HFM1: variants seen among roughly 807,000 people sequenced by gnomAD.
HFM1 encodes the protein helicase for meiosis 1, also known as probable ATP-dependent DNA helicase HFM1.
A neutral mutation model predicts 192.1 loss-of-function variants in HFM1; 169 were observed. That is an observed-to-expected ratio of 0.88 (90% CI 0.78 to 1.00). HFM1 has a LOEUF of 1.00. Ranked by LOEUF, HFM1 falls within the 50% of genes least tolerant of loss-of-function variation. HFM1 has a pLI of 0.00. For synonymous variants in HFM1, 525 were observed against 537.8 expected, an observed-to-expected ratio of 0.98 and a Z score of 0.33; for missense variants, 1,661 against 1,668.0, an observed-to-expected ratio of 1.00 and a Z score of 0.07.
At chr1:91,407,978 A>T (rs1664860787), upstream of HFM1, among the ~76,000 whole-genome samples, 1 of 152,182 alleles carries the variant, frequency 6.6e-6, no homozygotes. Context: ...CCAAAATTTT[A>T]AAAACTAACC....
At chr1:91,320,424 A>C (rs2101271580) in intron 23 of HFM1, among the ~76,000 whole-genome samples, 1 of 152,330 alleles carries the variant, frequency 6.6e-6, no homozygotes, top group East Asian at 1.9e-4. Context: ...ACAGTATACT[A>C]TCAAAGAAGG....
chr1:91,396,075 C>T (rs1663625703), intron 3 of HFM1, among the ~76,000 whole-genome samples: 3 of 151,940 alleles, frequency 2.0e-5, no homozygotes, highest in African/African-American at 7.3e-5. Context: ...GGGTGATCTG[C>T]CCACCTCGGC....
intron 4 of HFM1, among the ~76,000 whole-genome samples, chr1:91,392,197 C>T (rs1663083030): frequency 6.6e-6 from 1 of 151,896 alleles, no homozygotes; most frequent in African/African-American, 2.4e-5. Context: ...GGCAATTCCT[C>T]AAGGATCTAG....
intron 29 of HFM1, 128 bp downstream of exon 29, chr1:91,313,829 T>C: frequency 4.0e-6 from 2 of 497,258 alleles, no homozygotes; most frequent in Non-Finnish European, 7.1e-6. Context: ...AGTTTATTCA[T>C]ATTATCTAAA....
intron 32 of HFM1, 71 bp downstream of exon 32, chr1:91,276,557 G>T: frequency 1.5e-6 from 1 of 681,234 alleles, no homozygotes; most frequent in South Asian, 2.3e-5. Context: ...ATACCTAATT[G>T]ACAGACAGAA....
Position 91,324,705 on chromosome 1 carries a change from T to G in HFM1, c.2397A>C (p.Thr799=), listed in dbSNP as rs139562594. Residue 799 remains threonine (T), a synonymous_variant, in exon 21 of 39, where the codon ACA becomes ACC. Transcript: ENST00000370425. ...ITFETVKKFY[T]ISGKETLSDL... ...CTGATAAGGTTTCTTTTCCACTGAT[T>G]GTATAAAATTTCTTCACTGTCTCAA... is the stretch of plus-strand genomic sequence containing the variant. 64 of 1,545,508 alleles carry G rather than the reference T, an allele frequency of 4.1e-5. No homozygotes were observed. The highest frequency in any genetic ancestry group is 5.5e-5 in the Non-Finnish European group (62 of 1,118,742).
chr1:91,285,657 T>C (rs1302523105), intron 30 of HFM1, among the ~76,000 whole-genome samples: 1 of 152,212 alleles, frequency 6.6e-6, no homozygotes, highest in African/African-American at 2.4e-5. Context: ...CATAAGTTCC[T>C]AAGATTTGGA....
chr1:91,370,206 T>C (rs900444983), intron 13 of HFM1, among the ~76,000 whole-genome samples: 5 of 152,026 alleles, frequency 3.3e-5, no homozygotes, highest in East Asian at 1.9e-4. Context: ...TTCCAATCAA[T>C]AGAAAAAGAG....
intron 36 of HFM1, among the ~76,000 whole-genome samples, chr1:91,265,113 ACGATTCACTCTGCAT>A (rs1362740058): frequency 6.6e-6 from 1 of 152,058 alleles, no homozygotes; most frequent in Non-Finnish European, 1.5e-5. Context: ...CCCACTCCCT[ACGATTCACTCTGCAT>A]ACTGCTGCTA....
At chr1:91,385,095 T>A in intron 6 of HFM1, 92 bp downstream of exon 6, 1 of 851,388 alleles carries the variant, frequency 1.2e-6, no homozygotes, top group Non-Finnish European at 1.9e-6. Flanking sequence ...TTTTTCTCCA[T>A]CAACCAAAAT....
chr1:91,345,043 C>A (rs1655945450), intron 19 of HFM1, among the ~76,000 whole-genome samples: 1 of 152,218 alleles, frequency 6.6e-6, no homozygotes, highest in Non-Finnish European at 1.5e-5. Flanking sequence ...CCACCATGCC[C>A]AACCTATATG....
intron 13 of HFM1, among the ~76,000 whole-genome samples, chr1:91,371,087 A>G (rs962023728): frequency 9.2e-5 from 14 of 151,614 alleles, no homozygotes; most frequent in Admixed American, 8.5e-4. Context: ...CAAGGAAATA[A>G]AAGAGGATAC....
chr1:91,398,839 T>C (rs1315400261), intron 2 of HFM1, among the ~76,000 whole-genome samples: 1 of 152,098 alleles, frequency 6.6e-6, no homozygotes, highest in Non-Finnish European at 1.5e-5. Flanking sequence ...ATTACAGGCA[T>C]ATACCACCAT....
At position 91,373,456 on chromosome 1, in the gene HFM1, C is replaced by T. The variant is rs539557903; in HGVS notation, c.1685+1902G>A. ...ATTACATAGTAATCATGTGCTAGCA[C>T]TCTGCTGAGACCTTCTGCTATAATT... is the stretch of plus-strand genomic sequence containing the variant. On this transcript the variant is annotated intron_variant, in intron 13 of 38. Transcript: ENST00000370425. 6.6e-5 allele frequency among the ~76,000 whole-genome samples: 10 copies of T among 152,178 alleles called. No individual in the cohort carries two copies. In the South Asian group the frequency reaches 2.1e-3, roughly 32 times the overall value.
intron 2 of HFM1, 45 bp downstream of exon 2, chr1:91,400,967 C>T (rs185349510): frequency 2.2e-6 from 2 of 924,800 alleles, no homozygotes; most frequent in East Asian, 2.8e-5. Context: ...ATTCAAAAAA[C>T]CCTAAAGTAA....
At position 91,273,687 on chromosome 1, in the gene HFM1, CAAGT is replaced by C. The variant is rs769254161; in HGVS notation, c.3772+21_3772+24del. On this transcript the variant is annotated intron_variant, in intron 34 of 38. Transcript: ENST00000370425. ...AGTAATAATAAGCCATTTACTCTCTCAAGTAAGTATCAATGGTAATTTACCTTTG... is the reference window on the plus strand; with the variant it reads ...AGTAATAATAAGCCATTTACTCTCTCAAGTATCAATGGTAATTTACCTTTG... 9 of 1,169,068 alleles carry C rather than the reference CAAGT, an allele frequency of 7.7e-6. No homozygotes were observed. In the African/African-American group the frequency reaches 1.4e-4, roughly 18 times the overall value. 72.4% of individuals were successfully genotyped at this position (1,169,068 alleles called of 1,614,324 possible).
intron 30 of HFM1, among the ~76,000 whole-genome samples, chr1:91,297,509 AC>A (rs1164558537): frequency 2.6e-5 from 4 of 152,138 alleles, no homozygotes; most frequent in Non-Finnish European, 5.9e-5. Context: ...TGGGTCCCTT[AC>A]CCCCAAGTAG....
intron 15 of HFM1, 35 bp from the exon 16 acceptor site, chr1:91,352,686 T>A (rs756421917): frequency 3.3e-6 from 5 of 1,498,248 alleles, no homozygotes; most frequent in Non-Finnish European, 4.5e-6. Context: ...TTTTGAGCCA[T>A]TTAACTTTGT....
chr1:91,294,088 T>C (rs911937649), intron 30 of HFM1, among the ~76,000 whole-genome samples: 2 of 150,220 alleles, frequency 1.3e-5, no homozygotes, highest in East Asian at 2.0e-4. Flanking sequence ...TTGGGAGATA[T>C]ACCTAATGCT....
Sources: gnomAD v4.1 joint callset for allele counts (sites outside exome capture counted in the v4.1 genomes callset) on GRCh38, gnomAD v4.1.1 for gene constraint, MANE v1.5 for transcripts, NCBI Gene and HGNC (gene_info 2026-07-23, HGNC 2026-07-21) for gene names.